Variants in MPP7 observed in about 807,000 individuals in gnomAD.
MPP7 encodes MAGUK p55 scaffold protein 7, also known as MAGUK p55 subfamily member 7.
In MPP7, 60 loss-of-function variants were observed where a neutral mutation model predicts 76.5. That is an observed-to-expected ratio of 0.78 (90% CI 0.64 to 0.97). The LOEUF (loss-of-function observed/expected upper bound fraction) is 0.97, where lower values mean the gene tolerates loss of function less well. Among genes scored for constraint, MPP7 ranks in the 50% least tolerant of loss-of-function variants. The pLI, the probability that MPP7 is intolerant of heterozygous loss-of-function variation, is 0.00. For synonymous variants in MPP7, 237 were observed against 244.5 expected, an observed-to-expected ratio of 0.97 and a Z score of 0.29; for missense variants, 641 against 694.0, an observed-to-expected ratio of 0.92 and a Z score of 0.86.
At chr10:28,100,025 G>A (rs80308444) in intron 11 of MPP7, among the ~76,000 whole-genome samples, 1,822 of 147,634 alleles carry the variant, frequency 0.012, 51 homozygotes, top group East Asian at 0.12. Flanking sequence ...CTTAAAAATC[G>A]GATTCATTTG....
In MPP7 at chr10:28,164,759, G is replaced by C. The variant is rs373745825; in HGVS notation, c.157-14700C>G. ...TCTTCTTCTTCCAATGTGGCCCAGG[G>C]AACCCAAAAGATTGGACATCTTTGT... On this transcript the variant is annotated intron_variant, in intron 3 of 16. Transcript: ENST00000683449. Among the ~76,000 whole-genome samples, 18 of 152,172 alleles carry C rather than the reference G, an allele frequency of 1.2e-4. No homozygotes were observed. In the East Asian group the frequency reaches 1.9e-3, roughly 16 times the overall value.
At chr10:28,246,863 C>A (rs1839451843) in intron 1 of MPP7, among the ~76,000 whole-genome samples, 1 of 152,062 alleles carries the variant, frequency 6.6e-6, no homozygotes, top group African/African-American at 2.4e-5. Context: ...AGAATTGAAT[C>A]ATATCATACA....
rs772146922 is a variant in MPP7, at chr10:28,131,710, G to A, written c.316-19C>T. 4.0e-5 allele frequency: 60 copies of A among 1,486,128 alleles called. No homozygotes were observed. The highest frequency in any genetic ancestry group is 5.3e-5 in the Non-Finnish European group (58 of 1,104,654). The allele number at this position is 1,486,128 out of a possible 1,614,324, so 92.1% of individuals were successfully genotyped here. On this transcript the variant is annotated intron_variant, in intron 5 of 16. Transcript: ENST00000683449. The stretch of plus-strand genomic sequence containing the variant: ...GCAAAGCCTGTAATATTCAAAGGTT[G>A]ATTTAAATAAGTAAATATACATACT...
chr10:28,149,916 G>T (rs1835824104), intron 4 of MPP7, 66 bp downstream of exon 4: 1 of 1,221,866 alleles, frequency 8.2e-7, no homozygotes, highest in Non-Finnish European at 1.2e-6. Context: ...TCTGCACTAG[G>T]ACAGGTTCTG....
chr10:28,247,569 T>G (rs1839477731), intron 1 of MPP7, among the ~76,000 whole-genome samples: 1 of 152,220 alleles, frequency 6.6e-6, no homozygotes, highest in Non-Finnish European at 1.5e-5. Context: ...TTCTCCATGG[T>G]GGTCTATCTT....
chr10:28,320,359 C>A (rs1266243412), intron 2 of MPP7, among the ~76,000 whole-genome samples: 1 of 151,776 alleles, frequency 6.6e-6, no homozygotes, highest in Non-Finnish European at 1.5e-5. Flanking sequence ...GATTGTCAGG[C>A]TGGGAAATTT....
At chr10:28,239,226 C>T (rs545181049) in intron 1 of MPP7, among the ~76,000 whole-genome samples, 221 of 151,620 alleles carry the variant, frequency 1.5e-3, no homozygotes, top group Non-Finnish European at 2.7e-3. Flanking sequence ...CTCACTGCAA[C>T]CTCCGCCTCC....
At chr10:28,228,784 GA>G (rs992425068) in intron 2 of MPP7, among the ~76,000 whole-genome samples, 1 of 151,336 alleles carries the variant, frequency 6.6e-6, no homozygotes, top group Non-Finnish European at 1.5e-5. Context: ...AAAAAGAAAA[GA>G]AAAAAAACTA....
chr10:28,234,806 T>C (rs1839014531), intron 2 of MPP7, among the ~76,000 whole-genome samples: 1 of 152,226 alleles, frequency 6.6e-6, no homozygotes, highest in South Asian at 2.1e-4. Context: ...TTTTTTGTTT[T>C]GTTTTGTTGT....
chr10:28,289,594 G>T (rs1042031754), intron 1 of MPP7, among the ~76,000 whole-genome samples: 1 of 152,166 alleles, frequency 6.6e-6, no homozygotes, highest in African/African-American at 2.4e-5. Context: ...CACAAATACA[G>T]TGTCTAAGGT....
intron 3 of MPP7, among the ~76,000 whole-genome samples, chr10:28,157,622 T>C (rs1836112273): frequency 6.6e-6 from 1 of 152,244 alleles, no homozygotes; most frequent in African/African-American, 2.4e-5. Flanking sequence ...GGGCTCTGCA[T>C]GCCCTGGACC....
At chr10:28,189,119 G>A (rs1369707256) in intron 3 of MPP7, among the ~76,000 whole-genome samples, 2 of 152,130 alleles carry the variant, frequency 1.3e-5, no homozygotes, top group Admixed American at 6.6e-5. Flanking sequence ...ACTGTTCAGA[G>A]TAATAATATT....
intron 1 of MPP7, among the ~76,000 whole-genome samples, chr10:28,260,387 T>C (rs1268087898): frequency 6.6e-6 from 1 of 152,216 alleles, no homozygotes; most frequent in East Asian, 1.9e-4. Flanking sequence ...CTACAGACTA[T>C]AAATGGTTCT....
chr10:28,089,225 T>G (rs1056230382), intron 12 of MPP7, among the ~76,000 whole-genome samples: 1 of 152,140 alleles, frequency 6.6e-6, no homozygotes, highest in African/African-American at 2.4e-5. Flanking sequence ...TTATCAACTT[T>G]AAAGCGACTT....
intron 12 of MPP7, among the ~76,000 whole-genome samples, chr10:28,085,694 T>C (rs1369599538): frequency 6.6e-6 from 1 of 152,164 alleles, no homozygotes; most frequent in Non-Finnish European, 1.5e-5. Context: ...AGTTTAGGAC[T>C]ATGTCGAGGG....
chr10:28,061,843 T>TTTA (rs1564611633), intron 13 of MPP7, among the ~76,000 whole-genome samples: 3 of 151,930 alleles, frequency 2.0e-5, no homozygotes, highest in Non-Finnish European at 2.9e-5. Context: ...CTGTCACAGA[T>TTTA]TTATTATAAA....
At chr10:28,194,182 T>G (rs886224968) in intron 3 of MPP7, among the ~76,000 whole-genome samples, 1 of 151,858 alleles carries the variant, frequency 6.6e-6, no homozygotes. Flanking sequence ...ACCTGGCTAG[T>G]TTTTTGTATT....
At chr10:28,088,585 C>T (rs1435225138) in intron 12 of MPP7, among the ~76,000 whole-genome samples, 5 of 152,106 alleles carry the variant, frequency 3.3e-5, no homozygotes, top group East Asian at 3.9e-4. Context: ...GTCAATTAAA[C>T]CTCTTTTCTT....
intron 12 of MPP7, among the ~76,000 whole-genome samples, chr10:28,076,089 T>A (rs1852471287): frequency 6.6e-6 from 1 of 152,124 alleles, no homozygotes; most frequent in Non-Finnish European, 1.5e-5. Flanking sequence ...CCAATAGAAG[T>A]TGCTGGAATT....
Sources: gnomAD v4.1 joint callset for allele counts (sites outside exome capture counted in the v4.1 genomes callset) on GRCh38, gnomAD v4.1.1 for gene constraint, MANE v1.5 for transcripts, NCBI Gene and HGNC (gene_info 2026-07-23, HGNC 2026-07-21) for gene names.